Variants in NCK2 observed in about 807,000 individuals in gnomAD.
NCK2 encodes the protein NCK adaptor protein 2.
NCK2 carries 16 observed loss-of-function variants against 33.9 expected under a neutral mutation model. The ratio of observed to expected loss-of-function variants is 0.47; its 90% CI spans 0.32 to 0.72. The LOEUF is 0.72. Among genes scored for constraint, NCK2 ranks in the 30% least tolerant of loss-of-function variants. The pLI is 0.03. For missense variants in NCK2, 418 were observed against 537.3 expected, an observed-to-expected ratio of 0.78 and a Z score of 2.19; for synonymous variants, 273 against 239.9, an observed-to-expected ratio of 1.14 and a Z score of -1.27.
chr2:105,847,515 G>A (rs895845291), intron 2 of NCK2, among the ~76,000 whole-genome samples: 5 of 152,046 alleles, frequency 3.3e-5, no homozygotes, highest in South Asian at 4.2e-4. Context: ...TGGAAATGCA[G>A]GTGTGCAGCG....
chr2:105,765,057 A>G (rs1397271042), intron 1 of NCK2, among the ~76,000 whole-genome samples: 1 of 151,280 alleles, frequency 6.6e-6, no homozygotes, highest in Non-Finnish European at 1.5e-5. Flanking sequence ...TTGGAGAGGC[A>G]TTGCAGAGTT....
intron 1 of NCK2, among the ~76,000 whole-genome samples, chr2:105,792,377 C>T (rs1246553139): frequency 1.3e-5 from 2 of 151,980 alleles, no homozygotes; most frequent in African/African-American, 4.8e-5. Flanking sequence ...TATCTAAGCC[C>T]CTATAGACTC....
chr2:105,860,117 T>G (rs1355041352), intron 3 of NCK2, among the ~76,000 whole-genome samples: 1 of 151,952 alleles, frequency 6.6e-6, no homozygotes, highest in African/African-American at 2.4e-5. Context: ...AGACTTCATC[T>G]CTACAAAAAA....
chr2:105,813,856 G>A (rs1054817793), intron 1 of NCK2, among the ~76,000 whole-genome samples: 1 of 152,156 alleles, frequency 6.6e-6, no homozygotes, highest in Non-Finnish European at 1.5e-5. Context: ...GAAGAGATAC[G>A]TACGGTATCA....
At chr2:105,864,739 T>TA (rs1677679713) in intron 3 of NCK2, among the ~76,000 whole-genome samples, 4 of 151,958 alleles carry the variant, frequency 2.6e-5, no homozygotes, top group Non-Finnish European at 4.4e-5. Context: ...AGACTGGACC[T>TA]GGCCTTCTCT....
intron 4 of NCK2, among the ~76,000 whole-genome samples, chr2:105,887,623 A>G (rs1156914567): frequency 6.6e-6 from 1 of 152,216 alleles, no homozygotes; most frequent in East Asian, 1.9e-4. Context: ...CCTCATGACT[A>G]TTGTGCTTAG....
Position 105,893,249 on chromosome 2 carries a change from C to T in NCK2, c.*73C>T. On this transcript the variant is annotated 3_prime_UTR_variant, in exon 5 of 5. Coordinates refer to ENST00000233154, the MANE Select transcript of NCK2 (RefSeq NM_003581.5). ...CCCGCCCGGCCTTGTGGCAGAGGCT[C>T]CTCCCGCGGGGACGGCCCCGACGGC... The T allele has an allele frequency of 7.0e-7, 1 of 1,420,928 alleles. No individual in the cohort carries two copies. The highest frequency in any genetic ancestry group is 2.4e-4 in the Middle Eastern group (1 of 4,148). 88.0% of individuals were successfully genotyped at this position (1,420,928 alleles called of 1,614,324 possible). A position where few individuals can be genotyped will look rare whatever the true frequency, so the allele number is the denominator to read the frequency against.
rs1305009555 is a variant in NCK2, at chr2:105,893,458, G to A, written c.*282G>A. ...GCGCTCGTGCATTCAACTCGTTCCC[G>A]CTCATGGAACCCCTCTTTAAAAAGA... On this transcript the variant is annotated 3_prime_UTR_variant, in exon 5 of 5. Coordinates refer to ENST00000233154, the MANE Select transcript of NCK2 (RefSeq NM_003581.5). 1.7e-5 allele frequency: 6 copies of A among 355,626 alleles called. No individual in the cohort carries two copies. In the Admixed American group the frequency reaches 1.9e-4, roughly 11 times the overall value. 22.0% of individuals were successfully genotyped at this position (355,626 alleles called of 1,614,324 possible). A position where few individuals can be genotyped will look rare whatever the true frequency, so the allele number is the denominator to read the frequency against.
intron 4 of NCK2, among the ~76,000 whole-genome samples, chr2:105,883,198 A>G (rs1678578902): frequency 6.6e-6 from 1 of 152,206 alleles, no homozygotes; most frequent in Non-Finnish European, 1.5e-5. Context: ...TCTGAGATTT[A>G]TCAAGTCACC....
intron 2 of NCK2, among the ~76,000 whole-genome samples, chr2:105,835,407 G>GTATA (rs1491345836): frequency 0.021 from 407 of 19,518 alleles, 7 homozygotes; most frequent in Middle Eastern, 0.083. Context: ...ATATATATAC[G>GTATA]TGTATATATA....
In NCK2 at chr2:105,821,081, ATATT is replaced by A. The variant is rs557047064; in HGVS notation, c.-17+4475_-17+4478del. ...ACATCCATAAAAACGCTATCCAGTA[ATATT>A]TATTTAACTACTAAAGTTTACTACT... On this transcript the variant is annotated intron_variant, in intron 2 of 4. Coordinates refer to ENST00000233154, the MANE Select transcript of NCK2 (RefSeq NM_003581.5). Among the ~76,000 whole-genome samples, 242 of 152,334 alleles carry A rather than the reference ATATT, an allele frequency of 1.6e-3. 3 individuals are homozygous for A. The highest frequency in any genetic ancestry group is 5.4e-3 in the African/African-American group (225 of 41,578).
chr2:105,891,304 C>T (rs575913587), intron 4 of NCK2, among the ~76,000 whole-genome samples: 1 of 151,794 alleles, frequency 6.6e-6, no homozygotes, highest in South Asian at 2.1e-4. Flanking sequence ...CTGCCCTGTG[C>T]AGCCATCTGT....
intron 2 of NCK2, among the ~76,000 whole-genome samples, chr2:105,826,469 G>T (rs540692481): frequency 5.4e-4 from 82 of 152,272 alleles, no homozygotes; most frequent in African/African-American, 1.9e-3. Context: ...TATGTTAGTT[G>T]GGAGGCCTGT....
chr2:105,756,092 T>C (rs1365418308), intron 1 of NCK2, among the ~76,000 whole-genome samples: 1 of 152,228 alleles, frequency 6.6e-6, no homozygotes, highest in African/African-American at 2.4e-5. Flanking sequence ...TGTTCTTTTT[T>C]TCTTTAAAAC....
intron 1 of NCK2, among the ~76,000 whole-genome samples, chr2:105,787,961 C>T (rs1558837121): frequency 6.8e-6 from 1 of 148,062 alleles, no homozygotes; most frequent in Non-Finnish European, 1.5e-5. Context: ...TAGACCTGGG[C>T]TTCCTGCCCT....
intron 1 of NCK2, among the ~76,000 whole-genome samples, chr2:105,784,276 C>A (rs1690598617): frequency 6.6e-6 from 1 of 152,204 alleles, no homozygotes; most frequent in Non-Finnish European, 1.5e-5. Context: ...GCTGTTATTT[C>A]TAATAGGAAG....
chr2:105,887,546 A>G (rs1678767429), intron 4 of NCK2, among the ~76,000 whole-genome samples: 1 of 152,186 alleles, frequency 6.6e-6, no homozygotes, highest in African/African-American at 2.4e-5. Context: ...CCAAAGTGAA[A>G]GATAAGGAGA....
At chr2:105,859,945 ATAC>A (rs1453346163) in intron 3 of NCK2, among the ~76,000 whole-genome samples, 1 of 152,132 alleles carries the variant, frequency 6.6e-6, no homozygotes, top group Non-Finnish European at 1.5e-5. Context: ...TGTTGGTATT[ATAC>A]TTTCGTTTTT....
At chr2:105,795,644 G>A (rs535271296) in intron 1 of NCK2, among the ~76,000 whole-genome samples, 1 of 152,284 alleles carries the variant, frequency 6.6e-6, no homozygotes, top group South Asian at 2.1e-4. Flanking sequence ...GTGTCTGCAG[G>A]CGTTGTTGAT....
Sources: allele counts gnomAD v4.1 joint callset (sites outside exome capture counted in the v4.1 genomes callset), GRCh38; gene constraint gnomAD v4.1.1; transcripts MANE v1.5; gene names NCBI Gene and HGNC (gene_info 2026-07-23, HGNC 2026-07-21).